CSMD1: variants seen among roughly 807,000 people sequenced by gnomAD.
CSMD1 encodes the protein CUB and Sushi multiple domains 1, also known as CUB and sushi domain-containing protein 1.
CSMD1 carries 213 observed loss-of-function variants against 417.5 expected under a neutral mutation model. The observed-to-expected ratio is 0.51, with a 90% CI of 0.46 to 0.57. CSMD1 has a LOEUF of 0.57. Ranked by LOEUF, CSMD1 falls within the 20% of genes least tolerant of loss-of-function variation. The pLI is 0.00. For missense variants in CSMD1, 6,923 were observed against 4,529.7 expected (o/e 1.53, Z -15.17); for synonymous variants, 2,862 against 1,736.8 (o/e 1.65, Z -16.11).
At position 3,521,616 on chromosome 8, in the gene CSMD1, T is replaced by C. The variant is rs1418381421; in HGVS notation, c.1345-27890A>G. ...CTTCTTGGTGTTTAGCTAAATCCCT[T>C]GTACACGGAGCAAAGTACATTTACA... On this transcript the variant is annotated intron_variant, in intron 10 of 69. Transcript: ENST00000635120. 8.5e-5 allele frequency among the ~76,000 whole-genome samples: 13 copies of C among 152,338 alleles called. No individual in the cohort carries two copies. The East Asian group carries it at 2.1e-3, about 25-fold the overall frequency.
chr8:3,627,482 A>G (rs10108973), intron 7 of CSMD1, among the ~76,000 whole-genome samples: 31,259 of 152,136 alleles, frequency 0.21, 3,324 homozygotes, highest in East Asian at 0.25. Context: ...TCGTGCTATT[A>G]TTTTTATTTA....
At chr8:3,937,097 T>C (rs1453550373) in intron 5 of CSMD1, among the ~76,000 whole-genome samples, 3 of 152,192 alleles carry the variant, frequency 2.0e-5, no homozygotes, top group African/African-American at 4.8e-5. Flanking sequence ...TGCTGCACTG[T>C]CATAAGATCT....
rs1804110317 is a variant in CSMD1, at chr8:3,853,966, A to G, written c.819-99924T>C. Among the ~76,000 whole-genome samples the G allele has an allele frequency of 2.9e-5, 4 of 138,882 alleles. No individual in the cohort carries two copies. In the South Asian group the frequency reaches 8.5e-4, roughly 29 times the overall value. The allele number at this position is 138,882 out of a possible 152,430, so 91.1% of individuals were successfully genotyped here. A position where few individuals can be genotyped will look rare whatever the true frequency, so the allele number is the denominator to read the frequency against. On this transcript the variant is annotated intron_variant, in intron 5 of 69. Coordinates refer to ENST00000635120, the MANE Select transcript of CSMD1 (RefSeq NM_033225.6). ...TATAATATATTAATATATTAAATAT[A>G]TCATGTCAATATATTTATATATTTA...
At chr8:4,895,024 G>A (rs1159770493) in intron 1 of CSMD1, among the ~76,000 whole-genome samples, 1 of 152,098 alleles carries the variant, frequency 6.6e-6, no homozygotes, top group Non-Finnish European at 1.5e-5. Context: ...CTCTTGACCT[G>A]AGTTTTTTCA....
At chr8:4,463,222 C>G (rs920020471) in intron 2 of CSMD1, among the ~76,000 whole-genome samples, 2 of 152,232 alleles carry the variant, frequency 1.3e-5, no homozygotes, top group African/African-American at 4.8e-5. Flanking sequence ...AAATGCAAAT[C>G]AAAGACGTAC....
chr8:3,684,219 TAAC>T (rs1224986305), intron 7 of CSMD1, among the ~76,000 whole-genome samples: 6 of 143,296 alleles, frequency 4.2e-5, no homozygotes, highest in African/African-American at 1.5e-4. Flanking sequence ...ATATAATATA[TAAC>T]ATAATATATA....
intron 2 of CSMD1, among the ~76,000 whole-genome samples, chr8:4,535,679 G>A (rs913723364): frequency 1.1e-4 from 17 of 152,080 alleles, no homozygotes; most frequent in African/African-American, 4.1e-4. Context: ...CATTTTCTGA[G>A]GAGCCCTGAT....
At chr8:4,240,949 A>G (rs147067148) in intron 3 of CSMD1, among the ~76,000 whole-genome samples, 1 of 152,202 alleles carries the variant, frequency 6.6e-6, no homozygotes, top group Non-Finnish European at 1.5e-5. Context: ...TCTGACAATT[A>G]TACCTTCTAA....
chr8:3,325,030 A>G (rs997779707), intron 23 of CSMD1, among the ~76,000 whole-genome samples: 2 of 152,216 alleles, frequency 1.3e-5, no homozygotes, highest in African/African-American at 4.8e-5. Context: ...AAATGTTTTT[A>G]TGTCAGAATT....
At chr8:4,045,652 G>A (rs1208299614) in intron 3 of CSMD1, among the ~76,000 whole-genome samples, 1 of 152,194 alleles carries the variant, frequency 6.6e-6, no homozygotes, top group African/African-American at 2.4e-5. Context: ...TGACAAGATG[G>A]ATTGTAGTAG....
At chr8:3,275,304 A>C (rs1251242205) in intron 26 of CSMD1, among the ~76,000 whole-genome samples, 3 of 152,114 alleles carry the variant, frequency 2.0e-5, no homozygotes, top group African/African-American at 4.8e-5. Context: ...ATCTGCTGTT[A>C]GTCTGATGGG....
At chr8:3,972,656 T>G (rs556377282) in intron 5 of CSMD1, among the ~76,000 whole-genome samples, 2 of 152,234 alleles carry the variant, frequency 1.3e-5, no homozygotes, top group African/African-American at 2.4e-5. Context: ...ATAGTAAGAA[T>G]AGTAACAGAT....
At chr8:3,562,039 C>G (rs1799488688) in intron 10 of CSMD1, among the ~76,000 whole-genome samples, 1 of 152,024 alleles carries the variant, frequency 6.6e-6, no homozygotes, top group South Asian at 2.1e-4. Context: ...ATCACTACCA[C>G]CCATCTCATA....
chr8:3,472,778 G>A (rs1427949261), intron 11 of CSMD1, among the ~76,000 whole-genome samples: 1 of 151,988 alleles, frequency 6.6e-6, no homozygotes, highest in East Asian at 1.9e-4. Context: ...GTATAAGGGG[G>A]AAAACATTTA....
chr8:4,711,553 C>A (rs183795974), intron 1 of CSMD1, among the ~76,000 whole-genome samples: 1 of 150,540 alleles, frequency 6.6e-6, no homozygotes, highest in Non-Finnish European at 1.5e-5. Context: ...AGGTTTTCAA[C>A]AAAGGACAGA....
In CSMD1 at chr8:4,903,002, ATAT is replaced by A. The variant is rs916354529; in HGVS notation, c.85+91327_85+91329del. Among the ~76,000 whole-genome samples, 869 of 133,136 alleles carry A rather than the reference ATAT, an allele frequency of 6.5e-3. 11 individuals are homozygous for A. Among genetic ancestry groups the A allele is most frequent in the African/African-American group, 0.026 (821 of 31,858 alleles). The allele number at this position is 133,136 out of a possible 152,430, so 87.3% of individuals were successfully genotyped here. On this transcript the variant is annotated intron_variant, in intron 1 of 69. Transcript: ENST00000635120. ...AATAATAATAAATAAATGATAAATA[ATAT>A]TAATAATAAATAAATAAATAAATAA...
chr8:3,810,317 C>A (rs149794800), intron 5 of CSMD1, among the ~76,000 whole-genome samples: 30 of 152,280 alleles, frequency 2.0e-4, no homozygotes, highest in African/African-American at 7.2e-4. Context: ...ACCCAAACAA[C>A]CAGAGCCACT....
intron 5 of CSMD1, among the ~76,000 whole-genome samples, chr8:3,812,887 C>T (rs1225947328): frequency 5.3e-5 from 8 of 152,158 alleles, no homozygotes; most frequent in East Asian, 3.9e-4. Context: ...TAATGACATG[C>T]CAGCTCTTTC....
chr8:3,716,968 C>T (rs912888330), intron 6 of CSMD1, among the ~76,000 whole-genome samples: 1 of 152,004 alleles, frequency 6.6e-6, no homozygotes, highest in African/African-American at 2.4e-5. Flanking sequence ...CTCCTACAAT[C>T]ATTTACAAAA....
Sources: allele counts gnomAD v4.1 joint callset (sites outside exome capture counted in the v4.1 genomes callset), GRCh38; gene constraint gnomAD v4.1.1; transcripts MANE v1.5; gene names NCBI Gene and HGNC (gene_info 2026-07-23, HGNC 2026-07-21).